The following SVEP1 variants were observed in gnomAD, a reference collection of about 807,000 sequenced individuals.
SVEP1 encodes the protein sushi, von Willebrand factor type A, EGF and pentraxin domain-containing protein 1.
A neutral mutation model predicts 367.3 loss-of-function variants in SVEP1; 164 were observed. The observed-to-expected ratio is 0.45, with a 90% CI of 0.39 to 0.51. The LOEUF is 0.51. Among genes scored for constraint, SVEP1 ranks in the 20% least tolerant of loss-of-function variants. The probability of loss-of-function intolerance (pLI) is 0.00; values close to 1 mark genes in which losing one functional copy is unlikely to be tolerated. For missense variants in SVEP1, 4,117 were observed against 4,425.3 expected (o/e 0.93, Z 1.98); for synonymous variants, 1,666 against 1,611.6 (o/e 1.03, Z -0.81).
chr9:110,483,745 TGAG>T (rs1460932108), intron 9 of SVEP1, 52 bp from the exon 10 acceptor site: 10 of 1,384,180 alleles, frequency 7.2e-6, no homozygotes, highest in African/African-American at 4.4e-5. Flanking sequence ...TCACAAACGA[TGAG>T]GAGGTTTTCA....
At chr9:110,427,125 C>G (rs530650225) in intron 36 of SVEP1, among the ~76,000 whole-genome samples, 2 of 151,956 alleles carry the variant, frequency 1.3e-5, no homozygotes, top group African/African-American at 4.8e-5. Context: ...TGGTGAAACC[C>G]TGTCTCTACT....
Position 110,471,486 on chromosome 9 carries a change from T to C in SVEP1, c.2876A>G (p.Lys959Arg), listed in dbSNP as rs1171881753. The change falls in exon 16 of 48, where the codon AAA (lysine) becomes AGA (arginine). Residue 959 changes from lysine (K) to arginine (R), a missense_variant. Transcript: ENST00000374469. ...ITNKLKRTLN[K>R]DPMYSFQLAS... is the part of the protein sequence containing the mutation. The stretch of plus-strand genomic sequence containing the variant: ...AAGCTGAAAGGAATACATGGGGTCT[T>C]TGTTGAGAGTCCTTTTCAGTTTATT... 6.2e-7 allele frequency: 1 copy of C among 1,613,978 alleles called. No individual in the cohort carries two copies. The highest frequency in any genetic ancestry group is 1.3e-5 in the African/African-American group (1 of 75,060).
intron 16 of SVEP1, among the ~76,000 whole-genome samples, chr9:110,470,915 C>A (rs898296482): frequency 6.6e-6 from 1 of 152,072 alleles, no homozygotes; most frequent in Non-Finnish European, 1.5e-5. Context: ...TCTCCTAATG[C>A]TATCCCTCCC....
At chr9:110,558,605 C>A (rs1830384511) in intron 1 of SVEP1, among the ~76,000 whole-genome samples, 1 of 150,644 alleles carries the variant, frequency 6.6e-6, no homozygotes, top group South Asian at 2.1e-4. Flanking sequence ...GAACTGAAAG[C>A]CATAGAAAGA....
At chr9:110,387,746 A>C (rs1055111461) in intron 41 of SVEP1, among the ~76,000 whole-genome samples, 1 of 152,188 alleles carries the variant, frequency 6.6e-6, no homozygotes, top group Admixed American at 6.5e-5. Flanking sequence ...GGGTAAAATA[A>C]AACAATCTCA....
intron 8 of SVEP1, among the ~76,000 whole-genome samples, chr9:110,491,083 A>T (rs1255609948): frequency 6.6e-6 from 1 of 151,972 alleles, no homozygotes; most frequent in Non-Finnish European, 1.5e-5. Context: ...ATAACTTTAC[A>T]TCTTAAAAAT....
At chr9:110,416,564 TAA>T (rs529334215) in intron 36 of SVEP1, among the ~76,000 whole-genome samples, 21 of 151,754 alleles carry the variant, frequency 1.4e-4, no homozygotes, top group South Asian at 1.2e-3. Context: ...CATAAAGATA[TAA>T]AAGAGAAAGT....
rs1564152282 is a variant in SVEP1 at position 110,471,592 on chromosome 9, C to T, written c.2770G>A (p.Val924Met). Residue 924 changes from valine (V) to methionine (M), a missense_variant, in exon 16 of 48, where the codon GTG becomes ATG. Val to Met is a conservative substitution (Grantham distance 21). Coordinates refer to ENST00000374469, the MANE Select transcript of SVEP1 (RefSeq NM_153366.4). ...TCATTTCTTTCATCGGGTAATGGCA[C>T]ACTAGCTGAGATAAAAACAAAATAA... is the stretch of plus-strand genomic sequence containing the variant. ...IKLIFNITASVPLPDERNDTL... is the reference protein window; with the variant it reads ...IKLIFNITASMPLPDERNDTL... 8 of 1,611,696 alleles carry T rather than the reference C, an allele frequency of 5.0e-6. No homozygotes were observed. Among genetic ancestry groups the T allele is most frequent in the Non-Finnish European group, 6.8e-6 (8 of 1,178,602 alleles).
intron 40 of SVEP1, among the ~76,000 whole-genome samples, chr9:110,391,939 C>A (rs1014806352): frequency 2.0e-5 from 3 of 151,856 alleles, no homozygotes; most frequent in Non-Finnish European, 4.4e-5. Context: ...AAATGGCCCT[C>A]TTTTTCTTCC....
chr9:110,521,814 T>G (rs1292132126), intron 3 of SVEP1, among the ~76,000 whole-genome samples: 1 of 152,184 alleles, frequency 6.6e-6, no homozygotes, highest in East Asian at 1.9e-4. Context: ...ACGTTATTTT[T>G]CTTTTCTAAA....
intron 37 of SVEP1, among the ~76,000 whole-genome samples, chr9:110,410,822 G>T (rs1354824717): frequency 6.6e-6 from 1 of 152,152 alleles, no homozygotes; most frequent in Admixed American, 6.5e-5. Flanking sequence ...TTGCTAATTA[G>T]TCTCTTACCT....
intron 43 of SVEP1, among the ~76,000 whole-genome samples, chr9:110,379,871 A>G (rs1827408185): frequency 6.6e-6 from 1 of 152,218 alleles, no homozygotes; most frequent in Non-Finnish European, 1.5e-5. Flanking sequence ...AGAAAGCATG[A>G]TGATTGTAGT....
intron 40 of SVEP1, among the ~76,000 whole-genome samples, chr9:110,390,207 G>GTATATATACTTATATAAGTATGTATC (rs1827620013): frequency 6.7e-5 from 7 of 104,008 alleles, no homozygotes; most frequent in Non-Finnish European, 9.4e-5. Flanking sequence ...AAGTATGTAT[G>GTATATATACTTATATAAGTATGTATC]TATATACTTG....
At chr9:110,465,218 C>T (rs183403063) in intron 18 of SVEP1, among the ~76,000 whole-genome samples, 2 of 152,034 alleles carry the variant, frequency 1.3e-5, no homozygotes, top group African/African-American at 4.8e-5. Context: ...AAAAAGCTCT[C>T]CATGCTGACA....
intron 3 of SVEP1, among the ~76,000 whole-genome samples, chr9:110,521,693 T>C (rs1290168916): frequency 6.6e-6 from 1 of 152,214 alleles, no homozygotes; most frequent in African/African-American, 2.4e-5. Flanking sequence ...TGTCTTAAAG[T>C]GTTTACCATC....
intron 24 of SVEP1, among the ~76,000 whole-genome samples, chr9:110,448,987 T>C (rs1253469356): frequency 6.6e-6 from 1 of 152,162 alleles, no homozygotes; most frequent in African/African-American, 2.4e-5. Flanking sequence ...TTGGGCTAGA[T>C]CTTTTTTTTC....
chr9:110,413,242 G>C (rs915103112), intron 36 of SVEP1, among the ~76,000 whole-genome samples: 12 of 145,610 alleles, frequency 8.2e-5, no homozygotes, highest in African/African-American at 2.8e-4. Flanking sequence ...TCCTTTGTAG[G>C]GACATGGATG....
chr9:110,375,262 C>T, intron 46 of SVEP1, 106 bp downstream of exon 46: 2 of 997,056 alleles, frequency 2.0e-6, no homozygotes, highest in Non-Finnish European at 2.9e-6. Context: ...AACATCAGTA[C>T]TTTTTCATTT....
intron 3 of SVEP1, 21 bp downstream of exon 3, chr9:110,546,094 A>G (rs1564172963): frequency 6.4e-7 from 1 of 1,551,720 alleles, no homozygotes; most frequent in Non-Finnish European, 8.7e-7. Context: ...GACAACTGAT[A>G]TACACAGATT....
Sources: gnomAD v4.1 joint callset for allele counts (sites outside exome capture counted in the v4.1 genomes callset) on GRCh38, gnomAD v4.1.1 for gene constraint, MANE v1.5 for transcripts, NCBI Gene and HGNC (gene_info 2026-07-23, HGNC 2026-07-21) for gene names.